SRCIN1: variants seen among roughly 807,000 people sequenced by gnomAD.
SRCIN1 encodes the protein P130Cas-associated protein.
In SRCIN1, 50 loss-of-function variants were observed where a neutral mutation model predicts 116.2. The observed-to-expected ratio is 0.43, with a 90% CI of 0.34 to 0.54. SRCIN1 has a LOEUF of 0.54. Ranked by LOEUF, SRCIN1 falls within the 20% of genes least tolerant of loss-of-function variation. The probability of loss-of-function intolerance (pLI) is 0.02; values close to 1 mark genes in which losing one functional copy is unlikely to be tolerated. For missense variants in SRCIN1, 1,446 were observed against 1,672.0 expected, an observed-to-expected ratio of 0.86 and a Z score of 2.36; for synonymous variants, 736 against 750.0, an observed-to-expected ratio of 0.98 and a Z score of 0.30.
At chr17:38,555,850 T>G (rs73982833) in intron 11 of SRCIN1, among the ~76,000 whole-genome samples, 3,958 of 152,308 alleles carry the variant, frequency 0.026, 183 homozygotes, top group African/African-American at 0.09. Flanking sequence ...GTGCCAGTTT[T>G]ATAAAATGGT....
chr17:38,578,708 C>G lies in SRCIN1; in HGVS notation c.106G>C (p.Gly36Arg). 6.5e-7 allele frequency: 1 copy of G among 1,533,268 alleles called. No homozygotes were observed. The highest frequency in any genetic ancestry group is 8.8e-7 in the Non-Finnish European group (1 of 1,141,852). 95.0% of individuals were successfully genotyped at this position (1,533,268 alleles called of 1,614,324 possible). The change falls in exon 2 of 19, where the codon GGC (glycine) becomes CGC (arginine). Residue 36 changes from glycine to arginine, a missense_variant. By Grantham distance (125) the Gly-to-Arg change is moderately radical. Coordinates refer to ENST00000617146, the MANE Select transcript of SRCIN1 (RefSeq NM_025248.3). ...REYRTLGGGG[G>R]GGSGGRRFSN... The stretch of plus-strand genomic sequence containing the variant: ...AAGCGCCGGCCCCCGCTGCCCCCGC[C>G]GCCCCCGCCCCCCAGGGTCCGGTAC...
At chr17:38,588,637 G>T (rs533824890) in intron 1 of SRCIN1, among the ~76,000 whole-genome samples, 82 of 152,308 alleles carry the variant, frequency 5.4e-4, no homozygotes, top group South Asian at 3.9e-3. Context: ...GCGCCCCTCT[G>T]TGTGTGAAAG....
In SRCIN1 at chr17:38,558,129, G is replaced by T; in HGVS notation, c.2201+98C>A. ...TTCAGAACAGACCAACGCCACCTGT[G>T]ACTCAGAGGGAAGGGAGCTGCGCCT... is the stretch of plus-strand genomic sequence containing the variant. On this transcript the variant is annotated intron_variant, in intron 11 of 18. Coordinates refer to ENST00000617146, the MANE Select transcript of SRCIN1 (RefSeq NM_025248.3). The surrounding 1 kb of genome is among the most constrained non-coding windows in gnomAD (Gnocchi z 4.6). 2 of 1,390,076 alleles carry T rather than the reference G, an allele frequency of 1.4e-6. No homozygotes were observed. The highest frequency in any genetic ancestry group is 9.9e-7 in the Non-Finnish European group (1 of 1,008,828). The allele number at this position is 1,390,076 out of a possible 1,614,324, so 86.1% of individuals were successfully genotyped here. A position where few individuals can be genotyped will look rare whatever the true frequency, so the allele number is the denominator to read the frequency against.
At position 38,562,927 on chromosome 17, in the gene SRCIN1, G is replaced by A. The variant is rs759609873; in HGVS notation, c.741-7C>T. The A allele has an allele frequency of 3.1e-6, 5 of 1,610,204 alleles. No homozygotes were observed. The highest frequency in any genetic ancestry group is 4.2e-6 in the Non-Finnish European group (5 of 1,177,226). The stretch of plus-strand genomic sequence containing the variant: ...ACTGCGGTCCTGGATGTCCCTGGGA[G>A]AGGCGGGGAGACGGGGGTCACCACC... On this transcript the variant is annotated splice_polypyrimidine_tract_variant and splice_region_variant and intron_variant, in intron 5 of 18. Coordinates refer to ENST00000617146, the MANE Select transcript of SRCIN1 (RefSeq NM_025248.3). The surrounding 1 kb of genome is among the most constrained non-coding windows in gnomAD (Gnocchi z 4.2).
In SRCIN1 at chr17:38,568,202, C is replaced by T; in HGVS notation, c.345+9G>A. 1 of 1,613,256 alleles carries T rather than the reference C, an allele frequency of 6.2e-7. No homozygotes were observed. The highest frequency in any genetic ancestry group is 8.5e-7 in the Non-Finnish European group (1 of 1,179,662). On this transcript the variant is annotated intron_variant, in intron 3 of 18. Transcript: ENST00000617146. The surrounding 1 kb of genome is among the most constrained non-coding windows in gnomAD (Gnocchi z 4.5). ...AGTTGTCATGGGAGCAGAGGCATCA[C>T]ACACTGACCTTGAAACTCCAGTAGT...
chr17:38,564,178 G>T lies in SRCIN1; in HGVS notation c.481C>A (p.Arg161Ser). ...ELPLGFSRMNRFRQSLPLSRS... is the reference protein window; with the variant it reads ...ELPLGFSRMNSFRQSLPLSRS... Reference sequence around the variant, plus strand: ...GAGAGAGGCAGGCTCTGTCGGAAGCGGTTCATCCTGCTGAAGCCCAGGGGC... The same window carrying T: ...GAGAGAGGCAGGCTCTGTCGGAAGCTGTTCATCCTGCTGAAGCCCAGGGGC... The change falls in exon 4 of 19, where the codon CGC becomes AGC. Residue 161 changes from arginine (R) to serine (S), a missense_variant. Physicochemically the swap from Arg to Ser is moderately radical, Grantham distance 110. Around this residue, in one of 5 missense-constraint regions of SRCIN1, gnomAD observed 246 missense variants for 265.1 expected, o/e 0.93. Transcript: ENST00000617146. 1 of 1,594,866 alleles carries T rather than the reference G, an allele frequency of 6.3e-7. No homozygotes were observed. Among genetic ancestry groups the T allele is most frequent in the South Asian group, 1.1e-5 (1 of 87,610 alleles).
chr17:38,574,540 G>A (rs1016281840), intron 2 of SRCIN1, among the ~76,000 whole-genome samples: 1 of 152,206 alleles, frequency 6.6e-6, no homozygotes, highest in Non-Finnish European at 1.5e-5. Flanking sequence ...ATAGTCCTCA[G>A]TGGGAGGAGG....
At chr17:38,549,035 T>C in intron 16 of SRCIN1, 21 bp downstream of exon 16, 1 of 1,612,692 alleles carries the variant, frequency 6.2e-7, no homozygotes. Flanking sequence ...CCTGGCCCTC[T>C]GTCTGAGGTG....
rs1907195653 is a variant in SRCIN1, at chr17:38,572,988, GGCT to G, written c.325-4760_325-4758del. Among the ~76,000 whole-genome samples the G allele has an allele frequency of 6.6e-6, 1 of 152,044 alleles. No individual in the cohort carries two copies. The highest frequency in any genetic ancestry group is 2.4e-5 in the African/African-American group (1 of 41,434). ...CCGCAGAGGAGCGGCGGAGGCTGGT[GGCT>G]GCGTCGCCGCGGTCACCCGATACGC... On this transcript the variant is annotated intron_variant, in intron 2 of 18. Transcript: ENST00000617146. This position sits in a 1 kb window ranked among gnomAD's most constrained non-coding sequence, Gnocchi z 4.3.
In SRCIN1 at chr17:38,558,736, G is replaced by T. The variant is rs1377525894; in HGVS notation, c.2026-334C>A. 6.6e-6 allele frequency among the ~76,000 whole-genome samples: 1 copy of T among 152,204 alleles called. No individual in the cohort carries two copies. Among genetic ancestry groups the T allele is most frequent in the Non-Finnish European group, 1.5e-5 (1 of 68,036 alleles). On this transcript the variant is annotated intron_variant, in intron 10 of 18. Transcript: ENST00000617146. This position sits in a 1 kb window ranked among gnomAD's most constrained non-coding sequence, Gnocchi z 4.6. ...CGCGAGCAGGGGTGGTATTGCAGGG[G>T]GAGGAGGGCAAGGTTAAGTTCTGGG...
At chr17:38,561,148 C>A (rs1171595197) in intron 7 of SRCIN1, among the ~76,000 whole-genome samples, 3 of 152,194 alleles carry the variant, frequency 2.0e-5, no homozygotes, top group African/African-American at 4.8e-5. Context: ...AGTGGTTCAA[C>A]CCCTCAATTT....
At chr17:38,584,453 C>G (rs1357928880) in intron 1 of SRCIN1, among the ~76,000 whole-genome samples, 1 of 152,220 alleles carries the variant, frequency 6.6e-6, no homozygotes, top group Non-Finnish European at 1.5e-5. Context: ...CTGCCACCCT[C>G]AGCTCAGCCT....
rs1458144908 is a variant in SRCIN1 at position 38,551,776 on chromosome 17, C to G, written c.2727+110G>C. On this transcript the variant is annotated intron_variant, in intron 14 of 18. Transcript: ENST00000617146. ...CTTCCATTAGGGCACTGGCCCTCCTCCCCCAAGGAAAAAGACCCACAGGAT... is the reference window on the plus strand; with the variant it reads ...CTTCCATTAGGGCACTGGCCCTCCTGCCCCAAGGAAAAAGACCCACAGGAT... 5 of 1,578,336 alleles carry G rather than the reference C, an allele frequency of 3.2e-6. No individual in the cohort carries two copies. The South Asian group carries it at 4.5e-5, about 14-fold the overall frequency.
At chr17:38,576,150 G>T (rs749739255) in intron 2 of SRCIN1, among the ~76,000 whole-genome samples, 5 of 152,054 alleles carry the variant, frequency 3.3e-5, no homozygotes, top group Non-Finnish European at 7.4e-5. Flanking sequence ...ACCCCTGGAA[G>T]CTCCACCCAG....
rs748458193 is a variant in SRCIN1, at chr17:38,562,968, C to T, written c.741-48G>A. The T allele has an allele frequency of 6.7e-7, 1 of 1,484,990 alleles. No individual in the cohort carries two copies. The highest frequency in any genetic ancestry group is 1.4e-5 in the African/African-American group (1 of 72,458). 92.0% of individuals were successfully genotyped at this position (1,484,990 alleles called of 1,614,324 possible). A position where few individuals can be genotyped will look rare whatever the true frequency, so the allele number is the denominator to read the frequency against. On this transcript the variant is annotated intron_variant, in intron 5 of 18. Coordinates refer to ENST00000617146, the MANE Select transcript of SRCIN1 (RefSeq NM_025248.3). The surrounding 1 kb of genome is among the most constrained non-coding windows in gnomAD (Gnocchi z 4.2). Reference sequence around the variant, plus strand: ...GGTCACCACCCATCCCCCAGCTGTGCACAATGAGAAGGGATGGCTACTCCA... The same window carrying T: ...GGTCACCACCCATCCCCCAGCTGTGTACAATGAGAAGGGATGGCTACTCCA...
In SRCIN1 at chr17:38,564,365, C is replaced by G. The variant is rs544164822; in HGVS notation, c.346-52G>C. ...AACCAAGGATGAGCACCCCCCCTCCCCTTTGCTTGTCACTGCCCATATCCA... is the reference window on the plus strand; with the variant it reads ...AACCAAGGATGAGCACCCCCCCTCCGCTTTGCTTGTCACTGCCCATATCCA... On this transcript the variant is annotated intron_variant, in intron 3 of 18. Transcript: ENST00000617146. 2.0e-4 allele frequency: 284 copies of G among 1,445,370 alleles called. 1 individual carries two copies. Among genetic ancestry groups the G allele is most frequent in the Middle Eastern group, 5.0e-4 (2 of 4,028 alleles). The allele number at this position is 1,445,370 out of a possible 1,614,324, so 89.5% of individuals were successfully genotyped here. A position where few individuals can be genotyped will look rare whatever the true frequency, so the allele number is the denominator to read the frequency against.
At chr17:38,551,496 G>T in intron 14 of SRCIN1, 107 bp from the exon 15 acceptor site, 1 of 983,866 alleles carries the variant, frequency 1.0e-6, no homozygotes, top group Non-Finnish European at 1.5e-6. Flanking sequence ...AGAAAACGAA[G>T]CCTCATATTT....
At chr17:38,554,866 G>GCAAA (rs1433542707) in intron 11 of SRCIN1, among the ~76,000 whole-genome samples, 1 of 152,156 alleles carries the variant, frequency 6.6e-6, no homozygotes, top group Non-Finnish European at 1.5e-5. Context: ...CAATCCAGGG[G>GCAAA]CAAACAACTT....
chr17:38,554,768 C>G (rs1905676960), intron 11 of SRCIN1, among the ~76,000 whole-genome samples: 1 of 152,234 alleles, frequency 6.6e-6, no homozygotes, highest in African/African-American at 2.4e-5. Flanking sequence ...TAAGTCATCT[C>G]AGTTCTGTAC....
Sources: allele counts gnomAD v4.1 joint callset (sites outside exome capture counted in the v4.1 genomes callset), GRCh38; gene constraint gnomAD v4.1.1; regional missense constraint gnomAD v4.1.1; non-coding constraint Gnocchi (gnomAD v3.1); transcripts MANE v1.5; gene names NCBI Gene and HGNC (gene_info 2026-07-23, HGNC 2026-07-21).